The following FGF14 variants were observed in gnomAD, a reference collection of about 807,000 sequenced individuals.
The protein encoded by FGF14 is fibroblast growth factor 14, also known as fibroblast growth factor homologous factor 4.
A neutral mutation model predicts 25.5 loss-of-function variants in FGF14; 5 were observed. That is an observed-to-expected ratio of 0.20 (90% CI 0.10 to 0.41). The LOEUF (loss-of-function observed/expected upper bound fraction) is 0.41. Ranked by LOEUF, FGF14 falls within the 10% of genes least tolerant of loss-of-function variation. FGF14 has a pLI of 1.00. For synonymous variants in FGF14, 138 were observed against 118.3 expected (o/e 1.17, Z -1.08); for missense variants, 222 against 320.1 (o/e 0.69, Z 2.34).
At chr13:102,004,183 G>A (rs1438080260) in intron 1 of FGF14, among the ~76,000 whole-genome samples, 1 of 152,132 alleles carries the variant, frequency 6.6e-6, no homozygotes, top group Non-Finnish European at 1.5e-5. Context: ...TAAAGTATAC[G>A]GTGACTTTAG....
At chr13:101,924,879 T>C (rs2034260427) in intron 1 of FGF14, among the ~76,000 whole-genome samples, 2 of 152,174 alleles carry the variant, frequency 1.3e-5, no homozygotes, top group Admixed American at 6.5e-5. Context: ...CAGTGACCAG[T>C]GTAGAATAAG....
At chr13:102,259,368 TTTTTG>T (rs527898747) in intron 1 of FGF14, among the ~76,000 whole-genome samples, 20 of 152,276 alleles carry the variant, frequency 1.3e-4, no homozygotes, top group Middle Eastern at 3.4e-3. Flanking sequence ...TTTGACTGGT[TTTTTG>T]TTTTGTTTTG....
chr13:102,091,652 G>A (rs1287785539), intron 1 of FGF14, among the ~76,000 whole-genome samples: 1 of 152,112 alleles, frequency 6.6e-6, no homozygotes, highest in Non-Finnish European at 1.5e-5. Flanking sequence ...CACCAGCCGA[G>A]CCACGCCTTG....
chr13:101,898,406 A>G (rs2031044922), intron 1 of FGF14, among the ~76,000 whole-genome samples: 2 of 151,452 alleles, frequency 1.3e-5, no homozygotes, highest in African/African-American at 2.4e-5. Flanking sequence ...TGACAGAAAT[A>G]CCCATCTCCG....
intron 1 of FGF14, among the ~76,000 whole-genome samples, chr13:102,109,800 A>G (rs763637791): frequency 6.6e-6 from 1 of 152,056 alleles, no homozygotes; most frequent in Admixed American, 6.6e-5. Flanking sequence ...TTGTATTTTT[A>G]GTAGAGATGG....
chr13:101,815,799 T>A (rs187473058), intron 3 of FGF14, among the ~76,000 whole-genome samples: 2 of 152,030 alleles, frequency 1.3e-5, no homozygotes, highest in African/African-American at 2.4e-5. Context: ...AGTGCCTGAT[T>A]AGGCAAAAGT....
intron 1 of FGF14, among the ~76,000 whole-genome samples, chr13:102,266,545 A>C (rs2053002443): frequency 6.6e-6 from 1 of 152,182 alleles, no homozygotes; most frequent in African/African-American, 2.4e-5. Context: ...TAAATACCGC[A>C]TTTTATAAAA....
At chr13:102,221,273 A>C (rs2050599336) in intron 1 of FGF14, among the ~76,000 whole-genome samples, 1 of 152,188 alleles carries the variant, frequency 6.6e-6, no homozygotes, top group Non-Finnish European at 1.5e-5. Context: ...TTTCAGATGG[A>C]AATTTAATGA....
chr13:102,153,145 C>A (rs778311962), intron 1 of FGF14, among the ~76,000 whole-genome samples: 1 of 152,158 alleles, frequency 6.6e-6, no homozygotes, highest in South Asian at 2.1e-4. Flanking sequence ...TGTAGACATA[C>A]CTGACATTTT....
chr13:101,800,257 A>T lies in FGF14; in HGVS notation c.408+68468T>A, dbSNP rs1381571043. Among the ~76,000 whole-genome samples the T allele has an allele frequency of 2.6e-5, 4 of 152,334 alleles. No individual in the cohort carries two copies. The South Asian group carries it at 8.3e-4, about 32-fold the overall frequency. ...AGAACAGGGTAACCTCAAGTTACCT[A>T]AAGTAATTTATATTTCAAAGACTAT... On this transcript the variant is annotated intron_variant, in intron 3 of 4. Transcript: ENST00000376143.
intron 1 of FGF14, among the ~76,000 whole-genome samples, chr13:102,255,577 G>A (rs1371227466): frequency 6.6e-6 from 1 of 152,180 alleles, no homozygotes; most frequent in Non-Finnish European, 1.5e-5. Flanking sequence ...AAGGTCCTAT[G>A]ATGGAAGATT....
At chr13:102,266,496 G>C (rs950553686) in intron 1 of FGF14, among the ~76,000 whole-genome samples, 9 of 152,110 alleles carry the variant, frequency 5.9e-5, no homozygotes, top group African/African-American at 2.2e-4. Context: ...ATACAGGAGG[G>C]AGAGAAAGAG....
At chr13:102,058,536 CAA>C (rs1252803655) in intron 1 of FGF14, among the ~76,000 whole-genome samples, 1 of 152,102 alleles carries the variant, frequency 6.6e-6, no homozygotes, top group South Asian at 2.1e-4. Flanking sequence ...TTATTATTAA[CAA>C]AGTTGTATAT....
intron 1 of FGF14, among the ~76,000 whole-genome samples, chr13:102,046,474 G>A (rs1225048332): frequency 6.6e-6 from 1 of 152,094 alleles, no homozygotes; most frequent in Non-Finnish European, 1.5e-5. Context: ...CAAAAAACAG[G>A]AGTATGATGT....
At chr13:102,276,530 T>C (rs1227522736) in intron 1 of FGF14, among the ~76,000 whole-genome samples, 1 of 151,926 alleles carries the variant, frequency 6.6e-6, no homozygotes, top group African/African-American at 2.4e-5. Context: ...TCTCCAGCTC[T>C]GAAAAGATTG....
chr13:101,812,640 TATATATATATA>T (rs1235237984), intron 3 of FGF14, among the ~76,000 whole-genome samples: 63 of 13,570 alleles, frequency 4.6e-3, no homozygotes, highest in East Asian at 0.016. Flanking sequence ...TATATATATA[TATATATATATA>T]TATTTTTTTT....
At chr13:102,277,142 A>G (rs1483176331) in intron 1 of FGF14, among the ~76,000 whole-genome samples, 1 of 152,222 alleles carries the variant, frequency 6.6e-6, no homozygotes, top group Non-Finnish European at 1.5e-5. Context: ...TTATTTTTAA[A>G]CAGATGCCAG....
upstream of FGF14, among the ~76,000 whole-genome samples, chr13:101,917,244 A>C (rs1594721960): frequency 6.6e-6 from 1 of 151,938 alleles, no homozygotes; most frequent in African/African-American, 2.4e-5. Flanking sequence ...ATCTGGAGAG[A>C]CCAATCTTCT....
At chr13:102,064,620 G>A (rs553791218) in intron 1 of FGF14, among the ~76,000 whole-genome samples, 36 of 151,992 alleles carry the variant, frequency 2.4e-4, no homozygotes, top group Admixed American at 1.2e-3. Context: ...TCTATAGCAC[G>A]AAATTCAAAT....
Sources: gnomAD v4.1 joint callset for allele counts (sites outside exome capture counted in the v4.1 genomes callset) on GRCh38, gnomAD v4.1.1 for gene constraint, MANE v1.5 for transcripts, NCBI Gene and HGNC (gene_info 2026-07-23, HGNC 2026-07-21) for gene names.